The following TYW1B variants were observed in gnomAD, a reference collection of about 807,000 sequenced individuals.
The protein encoded by TYW1B is tRNA-yW synthesizing protein 1 homolog B, also known as S-adenosyl-L-methionine-dependent tRNA 4-demethylwyosine synthase TYW1B.
TYW1B carries 73 observed loss-of-function variants against 86.9 expected under a neutral mutation model. The ratio of observed to expected loss-of-function variants is 0.84; its 90% CI spans 0.70 to 1.02. The LOEUF is 1.02. Among genes scored for constraint, TYW1B ranks in the 50% least tolerant of loss-of-function variants. TYW1B has a pLI of 0.00. For missense variants in TYW1B, 637 were observed against 827.4 expected, an observed-to-expected ratio of 0.77 and a Z score of 2.82; for synonymous variants, 248 against 292.8, an observed-to-expected ratio of 0.85 and a Z score of 1.56.
At chr7:72,669,838 T>C (rs1465473531) in intron 11 of TYW1B, among the ~76,000 whole-genome samples, 7 of 152,148 alleles carry the variant, frequency 4.6e-5, no homozygotes, top group Non-Finnish European at 7.4e-5. Context: ...TTCACATCTA[T>C]AATCCCAGTG....
At chr7:72,813,162 A>G (rs1212532809) in intron 3 of TYW1B, among the ~76,000 whole-genome samples, 2 of 145,984 alleles carry the variant, frequency 1.4e-5, no homozygotes, top group Non-Finnish European at 3.0e-5. Flanking sequence ...CCAGCTCTAC[A>G]TACTTCTTCT....
chr7:72,690,515 G>C (rs538721280), intron 11 of TYW1B, among the ~76,000 whole-genome samples: 11 of 152,266 alleles, frequency 7.2e-5, no homozygotes, highest in Non-Finnish European at 1.3e-4. Flanking sequence ...AACAAAATAT[G>C]CTACCTTCTT....
chr7:72,747,838 ATTTT>A (rs1289033865), intron 7 of TYW1B, among the ~76,000 whole-genome samples: 11 of 152,094 alleles, frequency 7.2e-5, no homozygotes, highest in African/African-American at 2.2e-4. Flanking sequence ...ATTTTCATTT[ATTTT>A]TTTATCAGCA....
rs2129572383 is a variant in TYW1B, at chr7:72,796,330, G to C, written c.846+6070C>G. ...GCAATCTCAGCTCACTGCAAGCTCCGCCTCCCGGGTTCAAGTGATTCTCCT... is the reference window on the plus strand; with the variant it reads ...GCAATCTCAGCTCACTGCAAGCTCCCCCTCCCGGGTTCAAGTGATTCTCCT... On this transcript the variant is annotated intron_variant, in intron 6 of 13. Coordinates refer to ENST00000620995, the MANE Select transcript of TYW1B (RefSeq NM_001145440.3). Among the ~76,000 whole-genome samples, 3 of 84,934 alleles carry C rather than the reference G, an allele frequency of 3.5e-5. No individual in the cohort carries two copies. In the East Asian group the frequency reaches 9.1e-4, roughly 26 times the overall value. 55.7% of individuals were successfully genotyped at this position (84,934 alleles called of 152,430 possible). A position where few individuals can be genotyped will look rare whatever the true frequency, so the allele number is the denominator to read the frequency against.
chr7:72,732,691 G>A (rs1481734147), intron 8 of TYW1B, among the ~76,000 whole-genome samples: 4 of 151,998 alleles, frequency 2.6e-5, no homozygotes, highest in Non-Finnish European at 4.4e-5. Flanking sequence ...ATCTAACAAT[G>A]CACTTCAGGG....
rs1788943179 is a variant in TYW1B, at chr7:72,826,937, C to T, written c.53G>A (p.Trp18Ter). The change falls in exon 2 of 14, where the codon TGG (tryptophan) becomes TAG (stop). Residue 18 changes from tryptophan (W) to a stop codon, truncating the protein, a stop_gained. Coordinates refer to ENST00000620995, the MANE Select transcript of TYW1B (RefSeq NM_001145440.3). LOFTEE classifies it high-confidence loss of function. ...WDLSSPLISL[W>*]INRFYIYLGF... ...CAGATAAATGTAAAACCTGTTTATC[C>T]ATAATGATATTAAAGGTGAGGAGAG... is the stretch of plus-strand genomic sequence containing the variant. 1.2e-6 allele frequency: 2 copies of T among 1,613,612 alleles called. No homozygotes were observed. Among genetic ancestry groups the T allele is most frequent in the African/African-American group, 2.7e-5 (2 of 74,912 alleles).
At chr7:72,681,970 C>T (rs1163132786) in intron 11 of TYW1B, among the ~76,000 whole-genome samples, 2 of 151,902 alleles carry the variant, frequency 1.3e-5, no homozygotes, top group African/African-American at 4.8e-5. Context: ...CTCCGCCTCC[C>T]GGGTTCAGGT....
At chr7:72,698,638 T>C (rs1490278260) in intron 10 of TYW1B, among the ~76,000 whole-genome samples, 3 of 90,396 alleles carry the variant, frequency 3.3e-5, no homozygotes, top group African/African-American at 9.1e-5. Context: ...AGAGCAAGAC[T>C]CCATCTCAAA....
chr7:72,585,776 G>A (rs1224002967), intron 13 of TYW1B, among the ~76,000 whole-genome samples: 2 of 152,136 alleles, frequency 1.3e-5, no homozygotes, highest in Non-Finnish European at 2.9e-5. Context: ...CGTGAACTGT[G>A]AGTCCATTAA....
At chr7:72,685,282 G>A (rs1554449142) in intron 11 of TYW1B, among the ~76,000 whole-genome samples, 2 of 151,458 alleles carry the variant, frequency 1.3e-5, no homozygotes, top group Admixed American at 6.6e-5. Flanking sequence ...AATATGCTAA[G>A]AAAGGAGAGA....
At chr7:72,642,704 C>T (rs1168883019) in intron 11 of TYW1B, among the ~76,000 whole-genome samples, 6 of 152,158 alleles carry the variant, frequency 3.9e-5, no homozygotes, top group Admixed American at 2.0e-4. Flanking sequence ...AGTTCGAGAC[C>T]AGCCTGGCCA....
At chr7:72,622,785 C>T (rs1275421381) in intron 12 of TYW1B, among the ~76,000 whole-genome samples, 1 of 151,484 alleles carries the variant, frequency 6.6e-6, no homozygotes, top group Admixed American at 6.6e-5. Flanking sequence ...GCACACAAAA[C>T]ACACATGCAT....
intron 11 of TYW1B, among the ~76,000 whole-genome samples, chr7:72,692,436 C>T (rs1483960199): frequency 6.6e-6 from 1 of 151,906 alleles, no homozygotes; most frequent in Non-Finnish European, 1.5e-5. Flanking sequence ...ATCATTTGGG[C>T]CCAGGAGTTG....
Position 72,733,200 on chromosome 7 carries a change from CT to C in TYW1B, c.1083-4270del, listed in dbSNP as rs1226957727. ...CACACACACACACACACACACACAC[CT>C]CTCACACTAATACTTTTCAAACTAT... is the stretch of plus-strand genomic sequence containing the variant. On this transcript the variant is annotated intron_variant, in intron 8 of 13. Coordinates refer to ENST00000620995, the MANE Select transcript of TYW1B (RefSeq NM_001145440.3). Among the ~76,000 whole-genome samples, 73 of 129,022 alleles carry C rather than the reference CT, an allele frequency of 5.7e-4. 1 individual carries two copies. In the South Asian group the frequency reaches 0.017, roughly 30 times the overall value. 84.6% of individuals were successfully genotyped at this position (129,022 alleles called of 152,430 possible). A position where few individuals can be genotyped will look rare whatever the true frequency, so the allele number is the denominator to read the frequency against.
chr7:72,779,882 A>G (rs769840483), intron 6 of TYW1B, among the ~76,000 whole-genome samples: 4 of 150,860 alleles, frequency 2.7e-5, no homozygotes, highest in Non-Finnish European at 5.9e-5. Flanking sequence ...AAAAAGCCGC[A>G]TTAAGTCCTA....
At chr7:72,773,283 T>C (rs1408336421) in intron 7 of TYW1B, among the ~76,000 whole-genome samples, 1 of 152,186 alleles carries the variant, frequency 6.6e-6, no homozygotes, top group African/African-American at 2.4e-5. Flanking sequence ...GAATTCTGCT[T>C]CTAGCCAAGA....
intron 11 of TYW1B, among the ~76,000 whole-genome samples, chr7:72,692,847 C>T (rs1814205935): frequency 2.0e-5 from 3 of 151,968 alleles, no homozygotes; most frequent in Admixed American, 1.3e-4. Flanking sequence ...ATGGTGGGCA[C>T]GTGTGCAGAA....
Position 72,815,466 on chromosome 7 carries a change from G to T in TYW1B, c.151C>A (p.Leu51Ile), listed in dbSNP as rs1788705564. Residue 51 changes from leucine to isoleucine, a missense_variant, in exon 3 of 14, where the codon CTT becomes ATT. Leu to Ile is a conservative substitution (Grantham distance 5). Transcript: ENST00000620995. ...TCCAGGGACGTAACTGCTTCAGCAAGAACTGTTGCAAATCCCTAATAGGAC... is the reference window on the plus strand; with the variant it reads ...TCCAGGGACGTAACTGCTTCAGCAATAACTGTTGCAAATCCCTAATAGGAC... ...VIEMQGFATV[L>I]AEAVTSLDLP... The T allele has an allele frequency of 6.2e-7, 1 of 1,608,206 alleles. No individual in the cohort carries two copies. The highest frequency in any genetic ancestry group is 1.3e-5 in the African/African-American group (1 of 74,506).
At chr7:72,760,780 A>G (rs1787673466) in intron 7 of TYW1B, among the ~76,000 whole-genome samples, 1 of 152,202 alleles carries the variant, frequency 6.6e-6, no homozygotes, top group African/African-American at 2.4e-5. Flanking sequence ...CAGACAGTTT[A>G]TATTTGTCTC....
Sources: gnomAD v4.1 joint callset for allele counts (sites outside exome capture counted in the v4.1 genomes callset) on GRCh38, gnomAD v4.1.1 for gene constraint, MANE v1.5 for transcripts, NCBI Gene and HGNC (gene_info 2026-07-23, HGNC 2026-07-21) for gene names.